GPR158: variants seen among roughly 807,000 people sequenced by gnomAD.
GPR158 encodes metabotropic glycine receptor.
A neutral mutation model predicts 78.2 loss-of-function variants in GPR158; 30 were observed. That is an observed-to-expected ratio of 0.38 (90% CI 0.29 to 0.52). The LOEUF is 0.52. GPR158 is among the 20% of genes least tolerant of loss of function. GPR158 has a pLI of 0.83. For synonymous variants in GPR158, 581 were observed against 591.1 expected (o/e 0.98, Z 0.25); for missense variants, 1,463 against 1,523.5 (o/e 0.96, Z 0.66).
intron 2 of GPR158, among the ~76,000 whole-genome samples, chr10:25,227,797 G>T (rs1324781428): frequency 6.6e-6 from 1 of 152,074 alleles, no homozygotes; most frequent in Non-Finnish European, 1.5e-5. Context: ...TTTTCTAGGT[G>T]ATATGTACTA....
At chr10:25,433,757 T>C (rs538995831) in intron 4 of GPR158, among the ~76,000 whole-genome samples, 51 of 137,946 alleles carry the variant, frequency 3.7e-4, no homozygotes, top group Non-Finnish European at 5.6e-4. Context: ...GGTCTCAAAC[T>C]CCTGGCCTCA....
chr10:25,438,442 T>G (rs1835026420), intron 4 of GPR158, among the ~76,000 whole-genome samples: 1 of 152,224 alleles, frequency 6.6e-6, no homozygotes, highest in African/African-American at 2.4e-5. Flanking sequence ...GGCACTTTGT[T>G]TTATGTCCAT....
At chr10:25,367,237 T>C (rs1327206909) in intron 2 of GPR158, among the ~76,000 whole-genome samples, 1 of 151,702 alleles carries the variant, frequency 6.6e-6, no homozygotes, top group East Asian at 1.9e-4. Context: ...CCTAGCATCA[T>C]ATACTGAAAA....
intron 4 of GPR158, among the ~76,000 whole-genome samples, chr10:25,461,401 G>C (rs1344781337): frequency 1.3e-5 from 2 of 152,158 alleles, no homozygotes; most frequent in Non-Finnish European, 2.9e-5. Context: ...ACTCTAGATA[G>C]AAGATTAAAC....
intron 2 of GPR158, among the ~76,000 whole-genome samples, chr10:25,307,731 G>C (rs1171471847): frequency 1.3e-5 from 2 of 152,158 alleles, no homozygotes; most frequent in East Asian, 1.9e-4. Context: ...TCAGTTCTTA[G>C]AGTTCTTCTT....
chr10:25,486,576 C>T (rs1322726507), intron 5 of GPR158, among the ~76,000 whole-genome samples: 1 of 152,106 alleles, frequency 6.6e-6, no homozygotes, highest in Non-Finnish European at 1.5e-5. Context: ...AAGCATCACC[C>T]AGGATTGCTA....
chr10:25,381,631 C>T (rs963006925), intron 2 of GPR158, among the ~76,000 whole-genome samples: 2 of 152,094 alleles, frequency 1.3e-5, no homozygotes, highest in Admixed American at 1.3e-4. Context: ...TTACTAGGAG[C>T]ATATGGGTGT....
chr10:25,533,070 G>GT (rs1307431187), intron 5 of GPR158, among the ~76,000 whole-genome samples: 1 of 152,098 alleles, frequency 6.6e-6, no homozygotes, highest in Non-Finnish European at 1.5e-5. Flanking sequence ...TGTTTTCAGT[G>GT]TTTTTTGTCT....
chr10:25,537,694 C>A (rs765800815), intron 5 of GPR158, among the ~76,000 whole-genome samples: 1 of 152,038 alleles, frequency 6.6e-6, no homozygotes, highest in Non-Finnish European at 1.5e-5. Context: ...GAATTGTAAT[C>A]CCCAGTGTTG....
chr10:25,455,726 C>A (rs1835282400), intron 4 of GPR158, among the ~76,000 whole-genome samples: 1 of 152,042 alleles, frequency 6.6e-6, no homozygotes, highest in African/African-American at 2.4e-5. Flanking sequence ...TCTAAAATAT[C>A]AAGATATGTA....
intron 2 of GPR158, among the ~76,000 whole-genome samples, chr10:25,323,683 CTT>C (rs75076220): frequency 1.3e-4 from 18 of 142,638 alleles, no homozygotes; most frequent in Non-Finnish European, 1.2e-4. Flanking sequence ...CCAGCTATTA[CTT>C]TTTTTTTTTT....
At chr10:25,267,131 C>G (rs2130738977) in intron 2 of GPR158, among the ~76,000 whole-genome samples, 1 of 152,124 alleles carries the variant, frequency 6.6e-6, no homozygotes, top group South Asian at 2.1e-4. Flanking sequence ...AGCATGAACA[C>G]AAAAATGATT....
At chr10:25,422,772 T>G (rs1834768147) in intron 4 of GPR158, among the ~76,000 whole-genome samples, 1 of 151,946 alleles carries the variant, frequency 6.6e-6, no homozygotes, top group Non-Finnish European at 1.5e-5. Context: ...AGTTCTTTAG[T>G]GGTGATTTCT....
intron 4 of GPR158, among the ~76,000 whole-genome samples, chr10:25,413,745 A>G (rs1039657324): frequency 2.0e-5 from 3 of 152,200 alleles, no homozygotes; most frequent in African/African-American, 7.2e-5. Context: ...AGGAGATTGT[A>G]TTCATTATGT....
At chr10:25,581,339 C>T (rs1837196382) in intron 7 of GPR158, among the ~76,000 whole-genome samples, 1 of 152,326 alleles carries the variant, frequency 6.6e-6, no homozygotes, top group East Asian at 1.9e-4. Context: ...GGATTACAGG[C>T]ATGAGCCACC....
intron 2 of GPR158, among the ~76,000 whole-genome samples, chr10:25,342,283 A>T (rs964908068): frequency 1.3e-5 from 2 of 151,064 alleles, no homozygotes; most frequent in African/African-American, 4.9e-5. Flanking sequence ...CTGACTTTCC[A>T]TGTCTGCTGA....
Position 25,175,979 on chromosome 10 carries a change from G to A in GPR158, c.559G>A (p.Ala187Thr), listed in dbSNP as rs1298155253. 1.2e-6 allele frequency: 2 copies of A among 1,613,314 alleles called. No individual in the cohort carries two copies. The highest frequency in any genetic ancestry group is 4.5e-5 in the East Asian group (2 of 44,840). ...TFSTDSLSAP[A>T]PQVFLQATRE... ...CAGCACCGATTCGCTGTCCGCACCG[G>A]CCCCACAGGTCTTCCTCCAGGCCAC... is the stretch of plus-strand genomic sequence containing the variant. The change falls in exon 1 of 11, where the codon GCC becomes ACC. Residue 187 changes from alanine to threonine, a missense_variant. Physicochemically the swap from Ala to Thr is moderately conservative, Grantham distance 58 (BLOSUM62 0). Coordinates refer to ENST00000376351, the MANE Select transcript of GPR158 (RefSeq NM_020752.3). The surrounding 1 kb of genome is among the most constrained non-coding windows in gnomAD (Gnocchi z 6.4).
intron 7 of GPR158, among the ~76,000 whole-genome samples, chr10:25,586,169 C>A (rs12248815): frequency 6.6e-6 from 1 of 152,070 alleles, no homozygotes; most frequent in Non-Finnish European, 1.5e-5. Flanking sequence ...CTGAGCATTT[C>A]TGAATGAAGA....
rs369809365 is a variant in GPR158, at chr10:25,451,813, A to G, written c.1336-14838A>G. Among the ~76,000 whole-genome samples, 173 of 152,320 alleles carry G rather than the reference A, an allele frequency of 1.1e-3. 3 individuals are homozygous for G. The South Asian group carries it at 0.027, about 24-fold the overall frequency. ...CTGGTACAAAAATGCAGCTGTTGTC[A>G]TTATTGTTATCATTGTTGTTACTCA... On this transcript the variant is annotated intron_variant, in intron 4 of 10. Transcript: ENST00000376351.
Sources: allele counts gnomAD v4.1 joint callset (sites outside exome capture counted in the v4.1 genomes callset), GRCh38; gene constraint gnomAD v4.1.1; non-coding constraint Gnocchi (gnomAD v3.1); transcripts MANE v1.5; gene names NCBI Gene and HGNC (gene_info 2026-07-23, HGNC 2026-07-21).